The following KIFAP3 variants were observed in gnomAD, a reference collection of about 807,000 sequenced individuals.
KIFAP3 encodes kinesin-associated protein 3.
KIFAP3 carries 68 observed loss-of-function variants against 106.5 expected under a neutral mutation model. The ratio of observed to expected loss-of-function variants is 0.64; its 90% CI spans 0.53 to 0.78. The LOEUF (loss-of-function observed/expected upper bound fraction) is 0.78. Ranked by LOEUF, KIFAP3 falls within the 30% of genes least tolerant of loss-of-function variation. KIFAP3 has a pLI of 0.00. For synonymous variants in KIFAP3, 320 were observed against 311.5 expected, an observed-to-expected ratio of 1.03 and a Z score of -0.29; for missense variants, 780 against 941.8, an observed-to-expected ratio of 0.83 and a Z score of 2.25.
chr1:169,978,330 T>C lies in KIFAP3; in HGVS notation c.1799-147A>G, dbSNP rs577374938. On this transcript the variant is annotated intron_variant, in intron 15 of 19. Transcript: ENST00000361580. ...ATGGATTTAACTTCTATGTTCCTAA[T>C]GTAAAATAGTAACAGTTATCACCAC... 45 of 561,282 alleles carry C rather than the reference T, an allele frequency of 8.0e-5. No homozygotes were observed. In the South Asian group the frequency reaches 1.0e-3, roughly 13 times the overall value. The allele number at this position is 561,282 out of a possible 1,614,324, so 34.8% of individuals were successfully genotyped here.
intron 3 of KIFAP3, chr1:170,041,763 C>T: frequency 6.5e-7 from 1 of 1,533,536 alleles, no homozygotes; most frequent in Non-Finnish European, 8.7e-7. Context: ...AATCGACATC[C>T]CTTTTGCCTT....
intron 19 of KIFAP3, among the ~76,000 whole-genome samples, chr1:169,951,377 AAC>A (rs1049778633): frequency 6.6e-5 from 10 of 151,930 alleles, no homozygotes; most frequent in Non-Finnish European, 1.2e-4. Flanking sequence ...TGATTTGAAA[AAC>A]AGTCTATAGT....
chr1:170,034,472 A>T lies in KIFAP3; in HGVS notation c.642T>A (p.Ile214=), dbSNP rs369270398. The change falls in exon 7 of 20, where the codon ATT becomes ATA. Residue 214 remains isoleucine, a synonymous_variant. Coordinates refer to ENST00000361580, the MANE Select transcript of KIFAP3 (RefSeq NM_014970.4). ...ACAGAGCTCCAATTTTATAGTGAGT[A>T]ATAAGTCCATGAAATTGAGAAAAGC... is the stretch of plus-strand genomic sequence containing the variant. The part of the protein sequence containing the change: ...FSSFSQFHGL[I]THYKIGALCM... 33 of 1,496,294 alleles carry T rather than the reference A, an allele frequency of 2.2e-5. No homozygotes were observed. The highest frequency in any genetic ancestry group is 1.7e-4 in the Middle Eastern group (1 of 5,822). 92.7% of individuals were successfully genotyped at this position (1,496,294 alleles called of 1,614,324 possible). A position where few individuals can be genotyped will look rare whatever the true frequency, so the allele number is the denominator to read the frequency against.
intron 8 of KIFAP3, among the ~76,000 whole-genome samples, chr1:170,030,452 T>A (rs1392816347): frequency 6.6e-6 from 1 of 151,858 alleles, no homozygotes; most frequent in Non-Finnish European, 1.5e-5. Context: ...ACCTATCCTA[T>A]GACTCAGCCA....
Position 169,985,866 on chromosome 1 carries a change from A to G in KIFAP3, c.1285-1176T>C, listed in dbSNP as rs1429448672. Among the ~76,000 whole-genome samples the G allele has an allele frequency of 5.9e-5, 9 of 152,082 alleles. No individual in the cohort carries two copies. In the South Asian group the frequency reaches 1.9e-3, roughly 31 times the overall value. On this transcript the variant is annotated intron_variant, in intron 11 of 19. Coordinates refer to ENST00000361580, the MANE Select transcript of KIFAP3 (RefSeq NM_014970.4). ...CCTATGCCATTTAGCAGTAATCTAG[A>G]TTTGTCATGGTGAGAAACAGCTGCT... is the stretch of plus-strand genomic sequence containing the variant.
At chr1:169,933,568 C>T (rs1017888094) in intron 19 of KIFAP3, among the ~76,000 whole-genome samples, 6 of 152,016 alleles carry the variant, frequency 3.9e-5, no homozygotes, top group African/African-American at 1.4e-4. Flanking sequence ...ATCCTTTGGT[C>T]ACACTTTGCA....
chr1:169,948,115 A>C (rs1396754343), intron 19 of KIFAP3, among the ~76,000 whole-genome samples: 2 of 151,270 alleles, frequency 1.3e-5, no homozygotes, highest in Admixed American at 6.6e-5. Flanking sequence ...CTTAGAAATA[A>C]AGTTATAGAG....
chr1:170,060,962 A>G (rs752614526), intron 1 of KIFAP3, among the ~76,000 whole-genome samples: 5 of 152,244 alleles, frequency 3.3e-5, no homozygotes, highest in Non-Finnish European at 4.4e-5. Context: ...AGCCATATGT[A>G]GAAAGCTGAA....
chr1:169,924,778 G>A (rs1663037144), intron 19 of KIFAP3, among the ~76,000 whole-genome samples: 1 of 152,184 alleles, frequency 6.6e-6, no homozygotes, highest in Non-Finnish European at 1.5e-5. Flanking sequence ...AAAACCCGGA[G>A]AGTTTTCCTT....
In KIFAP3 at chr1:170,034,402, G is replaced by T. The variant is rs759948077; in HGVS notation, c.712C>A (p.Gln238Lys). 5.6e-6 allele frequency: 9 copies of T among 1,605,888 alleles called. No individual in the cohort carries two copies. Among genetic ancestry groups the T allele is most frequent in the Non-Finnish European group, 7.7e-6 (9 of 1,176,182 alleles). The change falls in exon 7 of 20, where the codon CAA (glutamine) becomes AAA (lysine). Residue 238 changes from glutamine to lysine, a missense_variant. Around this residue, in one of 3 missense-constraint regions of KIFAP3, gnomAD observed 588 missense variants for 678.9 expected, o/e 0.87. Transcript: ENST00000361580. ...TTCTTCTTCTTTGAGAGTTCTTCTT[G>T]CCAAAGCTCATGTCTTTTTAACTCA... Reference protein sequence around the residue: ...DHELKRHELWQEELSKKKKAV... With the variant: ...DHELKRHELWKEELSKKKKAV...
At chr1:170,042,323 G>C (rs549793445) in intron 3 of KIFAP3, among the ~76,000 whole-genome samples, 1 of 152,218 alleles carries the variant, frequency 6.6e-6, no homozygotes, top group Admixed American at 6.5e-5. Flanking sequence ...TGCTCTTTTG[G>C]AAGCCACAGT....
At chr1:170,028,277 A>G (rs975111922) in intron 8 of KIFAP3, among the ~76,000 whole-genome samples, 6 of 152,126 alleles carry the variant, frequency 3.9e-5, no homozygotes, top group Admixed American at 3.3e-4. Context: ...TATTAAATAT[A>G]TCTTTAAAAT....
chr1:170,018,098 T>C (rs573192159), intron 9 of KIFAP3, among the ~76,000 whole-genome samples: 9 of 152,200 alleles, frequency 5.9e-5, no homozygotes, highest in Admixed American at 1.3e-4. Context: ...TTTTAAATGG[T>C]TGGAAACGAA....
chr1:169,969,653 T>C (rs1423728044), intron 17 of KIFAP3, among the ~76,000 whole-genome samples: 1 of 151,978 alleles, frequency 6.6e-6, no homozygotes, highest in Non-Finnish European at 1.5e-5. Context: ...CACTACTAAA[T>C]CATACACTGG....
intron 19 of KIFAP3, among the ~76,000 whole-genome samples, chr1:169,932,425 A>G (rs1217730892): frequency 1.3e-5 from 2 of 152,184 alleles, no homozygotes; most frequent in African/African-American, 4.8e-5. Flanking sequence ...ACCTTTAGTT[A>G]CTGTAGTTTA....
At chr1:170,079,137 C>A (rs965177525), upstream of KIFAP3, among the ~76,000 whole-genome samples, 2 of 152,196 alleles carry the variant, frequency 1.3e-5, no homozygotes, top group Admixed American at 6.5e-5. Flanking sequence ...TCATGGATGA[C>A]TTTATACTGT....
intron 11 of KIFAP3, among the ~76,000 whole-genome samples, chr1:169,989,485 G>C (rs1558224120): frequency 6.6e-6 from 1 of 152,024 alleles, no homozygotes; most frequent in African/African-American, 2.4e-5. Context: ...AACACCCTTT[G>C]AAACTGCAAA....
At chr1:170,043,323 A>G (rs1373858516) in intron 3 of KIFAP3, among the ~76,000 whole-genome samples, 3 of 152,206 alleles carry the variant, frequency 2.0e-5, no homozygotes. Flanking sequence ...ATGGTTATAC[A>G]TGATCCAGAA....
In KIFAP3 at chr1:170,074,508, A is replaced by AGAGGC; in HGVS notation, c.-46_-42dup. The AGAGGC allele has an allele frequency of 1.2e-6, 2 of 1,613,444 alleles. No individual in the cohort carries two copies. The highest frequency in any genetic ancestry group is 1.7e-6 in the Non-Finnish European group (2 of 1,179,788). ...GGCGTGGAGAGGATGGGGTATCTTGAGAGGCAGGCGCGGTTATTTCCGGGG... is the reference window on the plus strand; with the variant it reads ...GGCGTGGAGAGGATGGGGTATCTTGAGAGGCGAGGCAGGCGCGGTTATTTCCGGGG... On this transcript the variant is annotated 5_prime_UTR_variant, in exon 1 of 20. Transcript: ENST00000361580.
Sources: gnomAD v4.1 joint callset for allele counts (sites outside exome capture counted in the v4.1 genomes callset) on GRCh38, gnomAD v4.1.1 for gene constraint, gnomAD v4.1.1 regional missense constraint, MANE v1.5 for transcripts, NCBI Gene and HGNC (gene_info 2026-07-23, HGNC 2026-07-21) for gene names.